The following TOPAZ1 variants were observed in gnomAD, a reference collection of about 807,000 sequenced individuals.
TOPAZ1 encodes protein TOPAZ1.
Under a neutral mutation model 172.2 loss-of-function variants are expected in TOPAZ1, and 66 were observed. The observed-to-expected ratio is 0.38, with a 90% confidence interval of 0.31 to 0.47. TOPAZ1 has a LOEUF of 0.47. Among genes scored for constraint, TOPAZ1 ranks in the 20% least tolerant of loss-of-function variants. The pLI, the probability that TOPAZ1 is intolerant of heterozygous loss-of-function variation, is 0.99. For missense variants in TOPAZ1, 1,822 were observed against 1,972.4 expected, an observed-to-expected ratio of 0.92 and a Z score of 1.44; for synonymous variants, 681 against 683.9, an observed-to-expected ratio of 1.00 and a Z score of 0.07.
At chr3:44,266,586 A>G (rs981577794) in intron 5 of TOPAZ1, among the ~76,000 whole-genome samples, 1 of 152,138 alleles carries the variant, frequency 6.6e-6, no homozygotes, top group Non-Finnish European at 1.5e-5. Context: ...GCCTAAGGAG[A>G]GGGAGAGAGA....
downstream of TOPAZ1, among the ~76,000 whole-genome samples, chr3:44,333,279 A>T (rs2029342): frequency 0.35 from 53,317 of 151,978 alleles, 10,216 homozygotes; most frequent in African/African-American, 0.47. Flanking sequence ...ATACTATCAC[A>T]AATGGGATAT....
intron 12 of TOPAZ1, among the ~76,000 whole-genome samples, chr3:44,301,398 A>G (rs1336806609): frequency 6.6e-6 from 1 of 152,334 alleles, no homozygotes. Context: ...AGATAAGTAT[A>G]TAACTTATAA....
chr3:44,325,895 G>A (rs376733916), intron 18 of TOPAZ1, among the ~76,000 whole-genome samples: 1 of 152,030 alleles, frequency 6.6e-6, no homozygotes, highest in East Asian at 1.9e-4. Context: ...CATCCACCTC[G>A]GCCTCCCAAA....
chr3:44,269,429 T>A, intron 7 of TOPAZ1, 128 bp downstream of exon 7: 7 of 421,288 alleles, frequency 1.7e-5, no homozygotes, highest in Admixed American at 3.8e-5. Flanking sequence ...AATAATTTTA[T>A]AAACCAATAC....
Position 44,279,207 on chromosome 3 carries a change from A to AT in TOPAZ1, c.3373-2755dup, listed in dbSNP as rs1232528745. 1.2e-4 allele frequency among the ~76,000 whole-genome samples: 19 copies of AT among 152,164 alleles called. No homozygotes were observed. In the East Asian group the frequency reaches 3.7e-3, roughly 29 times the overall value. The stretch of plus-strand genomic sequence containing the variant: ...TGAGAAGATACTTGATATGATTTTG[A>AT]TTTTTTAAATTGCTGGTTCGTTTTG... On this transcript the variant is annotated intron_variant, in intron 8 of 19. Transcript: ENST00000309765.
chr3:44,243,975 G>C lies in TOPAZ1; in HGVS notation c.1469G>C (p.Gly490Ala), dbSNP rs1168537855. ...TGTCAGAGAACAATACCTATGACTG[G>C]TAAAAGAACTTGGCCCTATTATTCA... ...LSCQRTIPMT[G>A]KRTWPYYSCA... The change falls in exon 2 of 20, where the codon GGT becomes GCT. Residue 490 changes from glycine (G) to alanine (A), a missense_variant. By Grantham distance (60) the Gly-to-Ala change is moderately conservative. This residue lies in a region of TOPAZ1 where 1,489 missense variants were observed against 1,490.8 expected (regional missense o/e 1.00). Coordinates refer to ENST00000309765, the MANE Select transcript of TOPAZ1 (RefSeq NM_001145030.2). The C allele has an allele frequency of 6.4e-7, 1 of 1,552,298 alleles. No homozygotes were observed. Among genetic ancestry groups the C allele is most frequent in the Admixed American group, 2.0e-5 (1 of 51,014 alleles).
At chr3:44,333,261 T>C (rs1262178673), downstream of TOPAZ1, among the ~76,000 whole-genome samples, 4 of 152,160 alleles carry the variant, frequency 2.6e-5, no homozygotes, top group Non-Finnish European at 5.9e-5. Flanking sequence ...CGATGAAATG[T>C]AGAACGAATA....
At chr3:44,329,559 A>T (rs1700640946) in intron 19 of TOPAZ1, among the ~76,000 whole-genome samples, 1 of 152,182 alleles carries the variant, frequency 6.6e-6, no homozygotes, top group Admixed American at 6.5e-5. Context: ...AGAGTCTGAG[A>T]TTTTACCCTA....
At position 44,243,453 on chromosome 3, in the gene TOPAZ1, AAAAT is replaced by A. The variant is rs1233469399; in HGVS notation, c.953_956del (p.Lys318IlefsTer3). The A allele has an allele frequency of 6.4e-7, 1 of 1,551,764 alleles. No individual in the cohort carries two copies. The highest frequency in any genetic ancestry group is 8.7e-7 in the Non-Finnish European group (1 of 1,146,984). The stretch of plus-strand genomic sequence containing the variant: ...TTGCTTTCCTGCCTTCAACATGAAA[AAAAT>A]AAATATTCAATAGAGGAGAGCAGTG... On this transcript the variant is annotated frameshift_variant, in exon 2 of 20. Transcript: ENST00000309765. LOFTEE classifies it high-confidence loss of function.
At chr3:44,251,456 G>C (rs1488625) in intron 2 of TOPAZ1, among the ~76,000 whole-genome samples, 1 of 152,110 alleles carries the variant, frequency 6.6e-6, no homozygotes, top group Non-Finnish European at 1.5e-5. Context: ...TTTTCAAACA[G>C]TTTCTGATAG....
rs569539082 is a variant in TOPAZ1 at position 44,265,922 on chromosome 3, A to G, written c.3021-1075A>G. On this transcript the variant is annotated intron_variant, in intron 5 of 19. Coordinates refer to ENST00000309765, the MANE Select transcript of TOPAZ1 (RefSeq NM_001145030.2). The stretch of plus-strand genomic sequence containing the variant: ...ACTTTTCTCTAGCTATGAAAGTCCT[A>G]GATGGTATCTTCTTCCGGTATAAGG... 2.6e-4 allele frequency among the ~76,000 whole-genome samples: 40 copies of G among 152,348 alleles called. 2 individuals are homozygous for G. In the South Asian group the frequency reaches 8.1e-3, roughly 31 times the overall value.
intron 12 of TOPAZ1, among the ~76,000 whole-genome samples, chr3:44,295,333 T>C (rs1479116003): frequency 6.6e-6 from 1 of 152,176 alleles, no homozygotes; most frequent in African/African-American, 2.4e-5. Flanking sequence ...ATGAATAATA[T>C]AGTATATTCA....
At chr3:44,257,352 GGTGTGTGTGTGTGTGTGTGTGTGT>G (rs59827431) in intron 4 of TOPAZ1, among the ~76,000 whole-genome samples, 35 of 110,386 alleles carry the variant, frequency 3.2e-4, no homozygotes, top group Admixed American at 1.8e-3. Flanking sequence ...AAAACATAGG[GGTGTGTGTGTGTGTGTGTGTGTGT>G]GTGTGTGTGT....
chr3:44,262,470 G>A lies in TOPAZ1; in HGVS notation c.3007G>A (p.Glu1003Lys). ...ITKEEKENIY[E>K]VCKSKDSRNA... Reference sequence around the variant, plus strand: ...CAAAGAAGAAAAAGAAAATATTTATGAAGTTTGCAAAAGGTCTGTAACATA... The same window carrying A: ...CAAAGAAGAAAAAGAAAATATTTATAAAGTTTGCAAAAGGTCTGTAACATA... The change falls in exon 5 of 20, where the codon GAA (glutamate) becomes AAA (lysine). Residue 1003 changes from glutamate (E) to lysine (K), a missense_variant. Glu to Lys is a moderately conservative substitution (Grantham distance 56). Transcript: ENST00000309765. 6.8e-7 allele frequency: 1 copy of A among 1,466,758 alleles called. No individual in the cohort carries two copies. 90.9% of individuals were successfully genotyped at this position (1,466,758 alleles called of 1,614,324 possible). A position where few individuals can be genotyped will look rare whatever the true frequency, so the allele number is the denominator to read the frequency against.
intron 12 of TOPAZ1, among the ~76,000 whole-genome samples, chr3:44,295,963 A>G (rs1700189466): frequency 6.6e-6 from 1 of 152,180 alleles, no homozygotes. Flanking sequence ...AAGGTAGACC[A>G]TATCCTGGAT....
At chr3:44,314,349 T>C (rs985020114) in intron 16 of TOPAZ1, among the ~76,000 whole-genome samples, 2 of 152,202 alleles carry the variant, frequency 1.3e-5, no homozygotes, top group African/African-American at 4.8e-5. Context: ...ATTGGTTTCA[T>C]AATAATGTGA....
intron 16 of TOPAZ1, among the ~76,000 whole-genome samples, chr3:44,314,768 A>G (rs1370309725): frequency 6.6e-6 from 1 of 152,114 alleles, no homozygotes; most frequent in Non-Finnish European, 1.5e-5. Flanking sequence ...GTTAAAACAC[A>G]TATTGCTGGA....
chr3:44,255,420 C>T (rs561359400), intron 3 of TOPAZ1, among the ~76,000 whole-genome samples: 23 of 151,946 alleles, frequency 1.5e-4, no homozygotes, highest in South Asian at 1.0e-3. Flanking sequence ...TGGGAGTCCG[C>T]GGCAGGTGGA....
intron 5 of TOPAZ1, among the ~76,000 whole-genome samples, chr3:44,263,241 GAGATACTAAAGAAAAAGGA>G (rs986558477): frequency 2.0e-5 from 3 of 152,122 alleles, no homozygotes; most frequent in African/African-American, 4.8e-5. Flanking sequence ...TGACCATTTG[GAGATACTAAAGAAAAAGGA>G]AGATACTAAA....
Sources: allele counts gnomAD v4.1 joint callset (sites outside exome capture counted in the v4.1 genomes callset), GRCh38; gene constraint gnomAD v4.1.1; regional missense constraint gnomAD v4.1.1; transcripts MANE v1.5; gene names NCBI Gene and HGNC (gene_info 2026-07-23, HGNC 2026-07-21).